The following DOCK8 variants were observed in gnomAD, a reference collection of about 807,000 sequenced individuals.
DOCK8 encodes the protein dedicator of cytokinesis protein 8.
DOCK8 carries 141 observed loss-of-function variants against 245.6 expected under a neutral mutation model. The ratio of observed to expected loss-of-function variants is 0.57; its 90% CI spans 0.50 to 0.66. The LOEUF is 0.66. Among genes scored for constraint, DOCK8 ranks in the 30% least tolerant of loss-of-function variants. The probability of loss-of-function intolerance (pLI) is 0.00; values close to 1 mark genes in which losing one functional copy is unlikely to be tolerated. For missense variants in DOCK8, 2,965 were observed against 2,603.4 expected, an observed-to-expected ratio of 1.14 and a Z score of -3.02; for synonymous variants, 1,168 against 970.2, an observed-to-expected ratio of 1.20 and a Z score of -3.79.
chr9:400,118 C>G (rs1586908605), intron 26 of DOCK8, among the ~76,000 whole-genome samples: 1 of 101,718 alleles, frequency 9.8e-6, no homozygotes, highest in Non-Finnish European at 1.8e-5. Flanking sequence ...TCCACCACCA[C>G]CAGCATCTTC....
upstream of DOCK8, chr9:214,509 T>A (rs371678578): frequency 5.2e-5 from 84 of 1,612,824 alleles, no homozygotes; most frequent in Non-Finnish European, 6.7e-5. Flanking sequence ...ACACCTAGCC[T>A]TACGAATCCC....
intron 7 of DOCK8, among the ~76,000 whole-genome samples, chr9:318,981 G>C (rs528650159): frequency 6.6e-6 from 1 of 152,310 alleles, no homozygotes; most frequent in Non-Finnish European, 1.5e-5. Flanking sequence ...GTCACTAAGA[G>C]AGATATGTGT....
At chr9:346,387 A>C (rs561086457) in intron 14 of DOCK8, among the ~76,000 whole-genome samples, 9 of 152,282 alleles carry the variant, frequency 5.9e-5, no homozygotes, top group African/African-American at 2.2e-4. Context: ...CAAGGTCTTC[A>C]AGGGCATCCT....
Position 440,629 on chromosome 9 carries a change from GC to G in DOCK8, c.5224-656del, listed in dbSNP as rs2131804549. ...TTTGGAGGCATACATTTAGCATCTG[GC>G]TAGAGGAGGACCTCTGATGAAATTT... On this transcript the variant is annotated intron_variant, in intron 40 of 47. Transcript: ENST00000432829. Among the ~76,000 whole-genome samples, 2 of 152,326 alleles carry G rather than the reference GC, an allele frequency of 1.3e-5. 1 individual carries two copies. The highest frequency in any genetic ancestry group is 4.1e-4 in the South Asian group (2 of 4,824).
intron 1 of DOCK8, among the ~76,000 whole-genome samples, chr9:260,075 T>A (rs1021595864): frequency 6.6e-6 from 1 of 152,178 alleles, no homozygotes; most frequent in Non-Finnish European, 1.5e-5. Flanking sequence ...CAAGAAACCA[T>A]GGGTGGGGAG....
At chr9:244,278 A>G (rs1340618658) in intron 1 of DOCK8, among the ~76,000 whole-genome samples, 1 of 149,792 alleles carries the variant, frequency 6.7e-6, no homozygotes, top group Non-Finnish European at 1.5e-5. Context: ...TCCCCCCACC[A>G]CACACACACA....
At position 429,695 on chromosome 9, in the gene DOCK8, C is replaced by T. The variant is rs1264283421; in HGVS notation, c.4474-7C>T. 1.2e-6 allele frequency: 2 copies of T among 1,614,194 alleles called. No homozygotes were observed. The highest frequency in any genetic ancestry group is 1.7e-6 in the Non-Finnish European group (2 of 1,180,028). On this transcript the variant is annotated splice_region_variant and splice_polypyrimidine_tract_variant and intron_variant, in intron 35 of 47. Coordinates refer to ENST00000432829, the MANE Select transcript of DOCK8 (RefSeq NM_203447.4). ...TGATGCCTAATGGCCCTTTATGTCT[C>T]TCCTAGTTTGGAGACTTACTCTTTG...
chr9:286,413 C>T, intron 2 of DOCK8, 48 bp from the exon 3 acceptor site: 1 of 1,597,888 alleles, frequency 6.3e-7, no homozygotes, highest in African/African-American at 1.3e-5. Flanking sequence ...TGTGCTTTTA[C>T]CAGAAAACTG....
chr9:326,494 C>T (rs2050772656), intron 8 of DOCK8, among the ~76,000 whole-genome samples: 1 of 152,234 alleles, frequency 6.6e-6, no homozygotes, highest in Admixed American at 6.5e-5. Flanking sequence ...ACCTCACCCA[C>T]AGAGTTTCTG....
rs1472912646 is a variant in DOCK8, at chr9:286,610, T to A, written c.306T>A (p.Thr102=). 1 of 1,613,976 alleles carries A rather than the reference T, an allele frequency of 6.2e-7. No individual in the cohort carries two copies. ...DVVFTPKECR[T]LQPSLPEEGV... is the part of the protein sequence containing the mutation. The stretch of plus-strand genomic sequence containing the variant: ...TGTTCACGCCAAAGGAATGTAGGAC[T>A]TTGCAGCCCTCTTTGCCGGAGGAAG... The change falls in exon 3 of 48, where the codon ACT becomes ACA. Residue 102 remains threonine (T), a synonymous_variant. Transcript: ENST00000432829.
In DOCK8 at chr9:421,070, G is replaced by A. The variant is rs1444156963; in HGVS notation, c.4145G>A (p.Arg1382Gln). 3.1e-6 allele frequency: 5 copies of A among 1,613,938 alleles called. No homozygotes were observed. The highest frequency in any genetic ancestry group is 1.3e-5 in the African/African-American group (1 of 74,918). ...GCCAGAGGGGAGATGATGCGCCGCC[G>A]GGCTCCAGGTGTGTTGGACTGGCCC... ...EGARGEMMRR[R>Q]APGNDRFPGL... Residue 1382 changes from arginine (R) to glutamine (Q), a missense_variant, in exon 32 of 48, where the codon CGG becomes CAG. Transcript: ENST00000432829.
chr9:293,014 G>A (rs1449725012), intron 4 of DOCK8, among the ~76,000 whole-genome samples: 2 of 152,118 alleles, frequency 1.3e-5, no homozygotes, highest in East Asian at 1.9e-4. Flanking sequence ...AAAAAGAAAG[G>A]AATATGTGTT....
At position 267,858 on chromosome 9, in the gene DOCK8, C is replaced by G. The variant is rs1025135785; in HGVS notation, c.54-3769C>G. 4 of 152,276 alleles carry G rather than the reference C, an allele frequency of 2.6e-5. No individual in the cohort carries two copies. In the East Asian group the frequency reaches 7.7e-4, roughly 29 times the overall value. 9.4% of individuals were successfully genotyped at this position (152,276 alleles called of 1,614,324 possible). A position where few individuals can be genotyped will look rare whatever the true frequency, so the allele number is the denominator to read the frequency against. On this transcript the variant is annotated intron_variant, in intron 1 of 47. Coordinates refer to ENST00000432829, the MANE Select transcript of DOCK8 (RefSeq NM_203447.4). ...CTATCATGCTATCATATACAGAATT[C>G]TTATGTTCATTTCTGCTCAAAATTA...
chr9:375,632 A>G (rs2053483114), intron 18 of DOCK8, among the ~76,000 whole-genome samples: 1 of 152,210 alleles, frequency 6.6e-6, no homozygotes, highest in Non-Finnish European at 1.5e-5. Context: ...TACACCGTTC[A>G]GCCCTCTTCT....
chr9:406,674 C>T (rs1338245411), intron 27 of DOCK8, among the ~76,000 whole-genome samples: 25 of 151,984 alleles, frequency 1.6e-4, no homozygotes, highest in Admixed American at 1.6e-3. Flanking sequence ...AAGGGAGCGT[C>T]ATTCATTTTT....
intron 4 of DOCK8, among the ~76,000 whole-genome samples, chr9:295,021 G>C (rs1327124158): frequency 6.6e-6 from 1 of 152,080 alleles, no homozygotes; most frequent in African/African-American, 2.4e-5. Flanking sequence ...TTAGCTGGGC[G>C]TGGTGGCACG....
intron 1 of DOCK8, among the ~76,000 whole-genome samples, chr9:257,796 C>T (rs942855456): frequency 1.3e-5 from 2 of 152,184 alleles, no homozygotes; most frequent in East Asian, 1.9e-4. Flanking sequence ...GGATTACAGG[C>T]GTGAGCCACC....
Position 382,533 on chromosome 9 carries a change from G to A in DOCK8, c.2626G>A (p.Asp876Asn). 2 of 1,613,852 alleles carry A rather than the reference G, an allele frequency of 1.2e-6. No homozygotes were observed. Among genetic ancestry groups the A allele is most frequent in the Non-Finnish European group, 8.5e-7 (1 of 1,179,874 alleles). The change falls in exon 22 of 48, where the codon GAC (aspartate) becomes AAC (asparagine). Residue 876 changes from aspartate (D) to asparagine (N), a missense_variant. By Grantham distance (23) the Asp-to-Asn change is conservative. Coordinates refer to ENST00000432829, the MANE Select transcript of DOCK8 (RefSeq NM_203447.4). ...TGCAGGCGCTCCCACTGCCCTCCTA[G>A]ACCCTCGGAGCTACCACACGTATGG... is the stretch of plus-strand genomic sequence containing the variant. ...PKSGAPTALLDPRSYHTYGRT... is the reference protein window; with the variant it reads ...PKSGAPTALLNPRSYHTYGRT...
At chr9:287,248 G>C (rs1212228008) in intron 3 of DOCK8, among the ~76,000 whole-genome samples, 2 of 152,192 alleles carry the variant, frequency 1.3e-5, no homozygotes, top group African/African-American at 2.4e-5. Flanking sequence ...ATTAGGGCTT[G>C]AGTTTCTATA....
Sources: gnomAD v4.1 joint callset for allele counts (sites outside exome capture counted in the v4.1 genomes callset) on GRCh38, gnomAD v4.1.1 for gene constraint, MANE v1.5 for transcripts, NCBI Gene and HGNC (gene_info 2026-07-23, HGNC 2026-07-21) for gene names.